Variants in PTPRD observed in about 807,000 individuals in gnomAD.
The protein encoded by PTPRD is receptor-type tyrosine-protein phosphatase delta.
In PTPRD, 34 loss-of-function variants were observed where a neutral mutation model predicts 214.5. That is an observed-to-expected ratio of 0.16 (90% CI 0.12 to 0.21). The LOEUF is 0.21. Among genes scored for constraint, PTPRD ranks in the 10% least tolerant of loss-of-function variants. The probability of loss-of-function intolerance (pLI) is 1.00; values close to 1 mark genes in which losing one functional copy is unlikely to be tolerated. For synonymous variants in PTPRD, 1,128 were observed against 845.7 expected (o/e 1.33, Z -5.79); for missense variants, 2,545 against 2,398.7 (o/e 1.06, Z -1.27).
At chr9:10,458,737 G>A (rs1308556167) in intron 2 of PTPRD, among the ~76,000 whole-genome samples, 2 of 152,088 alleles carry the variant, frequency 1.3e-5, no homozygotes, top group African/African-American at 4.8e-5. Flanking sequence ...AAAAAAGGAA[G>A]AAGAAAAATT....
intron 2 of PTPRD, among the ~76,000 whole-genome samples, chr9:10,563,903 A>T (rs993730065): frequency 3.9e-4 from 60 of 151,974 alleles, no homozygotes; most frequent in African/African-American, 1.4e-3. Flanking sequence ...GTCCTGTGTA[A>T]ATAAGATCTA....
intron 9 of PTPRD, among the ~76,000 whole-genome samples, chr9:9,385,950 G>A (rs575546560): frequency 6.6e-6 from 1 of 152,206 alleles, no homozygotes; most frequent in South Asian, 2.1e-4. Flanking sequence ...CTCACCAGGA[G>A]CCTCCTTTGT....
At chr9:9,190,405 G>C (rs949698285) in intron 9 of PTPRD, among the ~76,000 whole-genome samples, 1 of 152,042 alleles carries the variant, frequency 6.6e-6, no homozygotes, top group African/African-American at 2.4e-5. Context: ...ACGAGATCCA[G>C]TGGGTTTATC....
At chr9:10,107,213 G>A (rs2098642288) in intron 3 of PTPRD, among the ~76,000 whole-genome samples, 1 of 152,004 alleles carries the variant, frequency 6.6e-6, no homozygotes, top group African/African-American at 2.4e-5. Context: ...ACCGGTCAGA[G>A]ATGGATATGC....
At chr9:9,328,568 A>T (rs1376803505) in intron 9 of PTPRD, among the ~76,000 whole-genome samples, 1 of 149,692 alleles carries the variant, frequency 6.7e-6, no homozygotes, top group Non-Finnish European at 1.5e-5. Context: ...TATGAGCAAA[A>T]CATGGTCAAA....
chr9:8,355,894 G>A (rs1209492545), intron 39 of PTPRD, among the ~76,000 whole-genome samples: 1 of 152,060 alleles, frequency 6.6e-6, no homozygotes, highest in African/African-American at 2.4e-5. Context: ...TGAGGATACA[G>A]GCACATTGCT....
intron 3 of PTPRD, among the ~76,000 whole-genome samples, chr9:10,035,179 A>G (rs1322704327): frequency 6.6e-6 from 1 of 151,996 alleles, no homozygotes; most frequent in Non-Finnish European, 1.5e-5. Flanking sequence ...TTGTGACTTT[A>G]ATTTGCATTT....
chr9:10,452,414 T>C (rs1210618523), intron 2 of PTPRD, among the ~76,000 whole-genome samples: 2 of 151,858 alleles, frequency 1.3e-5, no homozygotes, highest in African/African-American at 4.8e-5. Context: ...TTTTCCATAA[T>C]GGCTATACCA....
chr9:8,937,260 G>A (rs1346179458), intron 11 of PTPRD, among the ~76,000 whole-genome samples: 1 of 152,066 alleles, frequency 6.6e-6, no homozygotes, highest in East Asian at 1.9e-4. Context: ...AAGACAGTCA[G>A]GAATCAAAGA....
At chr9:8,571,365 C>T (rs1445576156) in intron 14 of PTPRD, among the ~76,000 whole-genome samples, 2 of 152,090 alleles carry the variant, frequency 1.3e-5, no homozygotes. Flanking sequence ...CACTCTCAGA[C>T]ATCTAAATGG....
chr9:8,954,271 C>A (rs1340468015), intron 11 of PTPRD, among the ~76,000 whole-genome samples: 1 of 151,890 alleles, frequency 6.6e-6, no homozygotes, highest in African/African-American at 2.4e-5. Flanking sequence ...CATGTTCTCA[C>A]TTATAGGTGG....
intron 11 of PTPRD, among the ~76,000 whole-genome samples, chr9:8,745,144 T>C (rs552834761): frequency 6.6e-6 from 1 of 151,996 alleles, no homozygotes; most frequent in Non-Finnish European, 1.5e-5. Flanking sequence ...AAGAAAAAAA[T>C]AACATCATTT....
intron 8 of PTPRD, among the ~76,000 whole-genome samples, chr9:9,545,434 A>T (rs1360317321): frequency 6.6e-6 from 1 of 151,890 alleles, no homozygotes; most frequent in African/African-American, 2.4e-5. Context: ...CTTTTCACAT[A>T]GTAATATGCA....
At chr9:9,065,143 G>C (rs2099724445) in intron 10 of PTPRD, among the ~76,000 whole-genome samples, 1 of 152,148 alleles carries the variant, frequency 6.6e-6, no homozygotes, top group African/African-American at 2.4e-5. Flanking sequence ...CAGGTCTAAT[G>C]GCAGAGATAG....
intron 37 of PTPRD, 113 bp from the exon 38 acceptor site, chr9:8,376,839 T>A: frequency 7.1e-7 from 1 of 1,404,264 alleles, no homozygotes; most frequent in South Asian, 1.3e-5. Context: ...TTTATGTTGA[T>A]CTTTTTCTGG....
At chr9:10,523,955 A>G (rs1222112801) in intron 2 of PTPRD, among the ~76,000 whole-genome samples, 3 of 151,834 alleles carry the variant, frequency 2.0e-5, no homozygotes, top group Non-Finnish European at 4.4e-5. Flanking sequence ...ACCGAAATAT[A>G]TTTTCTCTCA....
chr9:10,171,287 G>A (rs1012417826), intron 3 of PTPRD, among the ~76,000 whole-genome samples: 2 of 152,048 alleles, frequency 1.3e-5, no homozygotes, highest in Admixed American at 6.5e-5. Flanking sequence ...GGGACCTGGT[G>A]GAGACAATTT....
intron 4 of PTPRD, among the ~76,000 whole-genome samples, chr9:10,020,131 G>A (rs2096818770): frequency 6.6e-6 from 1 of 152,004 alleles, no homozygotes; most frequent in South Asian, 2.1e-4. Flanking sequence ...TTATTAATAA[G>A]AATACTATCT....
At chr9:10,323,873 G>T (rs981684703) in intron 3 of PTPRD, among the ~76,000 whole-genome samples, 3 of 151,934 alleles carry the variant, frequency 2.0e-5, no homozygotes, top group Non-Finnish European at 4.4e-5. Flanking sequence ...CAGCTACTCA[G>T]AAAATGATTT....
Sources: allele counts gnomAD v4.1 joint callset (sites outside exome capture counted in the v4.1 genomes callset), GRCh38; gene constraint gnomAD v4.1.1; transcripts MANE v1.5; gene names NCBI Gene and HGNC (gene_info 2026-07-23, HGNC 2026-07-21).